Variants in RHOT1 observed in about 807,000 individuals in gnomAD.
The protein encoded by RHOT1 is ras homolog family member T1, also known as mitochondrial Rho GTPase 1.
Under a neutral mutation model 95.3 loss-of-function variants are expected in RHOT1, and 27 were observed. The ratio of observed to expected loss-of-function variants is 0.28; its 90% CI spans 0.21 to 0.39. RHOT1 has a LOEUF of 0.39. RHOT1 is among the 10% of genes least tolerant of loss of function. RHOT1 has a pLI of 1.00. For missense variants in RHOT1, 578 were observed against 786.7 expected (o/e 0.73, Z 3.17); for synonymous variants, 227 against 263.5 (o/e 0.86, Z 1.34).
chr17:32,178,602 C>A (rs969416961), intron 6 of RHOT1, among the ~76,000 whole-genome samples: 1 of 152,206 alleles, frequency 6.6e-6, no homozygotes, highest in Non-Finnish European at 1.5e-5. Flanking sequence ...AGCCTCTGCC[C>A]GCCCGCCACC....
chr17:32,149,744 C>A (rs971459132), intron 1 of RHOT1, among the ~76,000 whole-genome samples: 1 of 150,106 alleles, frequency 6.7e-6, no homozygotes. Context: ...TATACACACA[C>A]ACACACACAT....
chr17:32,176,772 C>T (rs1056683629), intron 6 of RHOT1, among the ~76,000 whole-genome samples: 7 of 151,844 alleles, frequency 4.6e-5, no homozygotes, highest in East Asian at 1.9e-4. Flanking sequence ...GGGTTTCGCA[C>T]GTTGGTCAGT....
At chr17:32,199,132 C>T in intron 12 of RHOT1, 101 bp downstream of exon 12, 2 of 929,884 alleles carry the variant, frequency 2.2e-6, no homozygotes, top group Non-Finnish European at 1.7e-6. Context: ...TGTTACATAG[C>T]CAAAAACTGC....
chr17:32,194,846 T>C (rs1025034367), intron 11 of RHOT1, among the ~76,000 whole-genome samples: 1 of 148,046 alleles, frequency 6.8e-6, no homozygotes, highest in African/African-American at 2.6e-5. Context: ...TTTTTTTTTT[T>C]CAGACGGAGT....
intron 1 of RHOT1, among the ~76,000 whole-genome samples, chr17:32,161,732 A>G (rs576171020): frequency 2.8e-4 from 42 of 152,226 alleles, no homozygotes; most frequent in Non-Finnish European, 5.1e-4. Flanking sequence ...TTGCAAAGGC[A>G]GTTTCACCAC....
At chr17:32,188,687 T>C (rs2036235924) in intron 8 of RHOT1, among the ~76,000 whole-genome samples, 1 of 152,248 alleles carries the variant, frequency 6.6e-6, no homozygotes, top group South Asian at 2.1e-4. Flanking sequence ...TGCAAAACTG[T>C]ACTCAGTTAT....
At chr17:32,208,334 C>G (rs1204889147) in intron 18 of RHOT1, 25 bp downstream of exon 18, 2 of 1,586,714 alleles carry the variant, frequency 1.3e-6, no homozygotes, top group Non-Finnish European at 1.7e-6. Context: ...TCTTCATTTT[C>G]ATGTTGCATG....
chr17:32,143,146 C>T (rs1022645554), intron 1 of RHOT1: 16 of 516,348 alleles, frequency 3.1e-5, no homozygotes, highest in Non-Finnish European at 5.5e-5. Context: ...CTTATCACTG[C>T]CAGGCAGGTG....
intron 16 of RHOT1, among the ~76,000 whole-genome samples, chr17:32,206,441 C>CTTTTTTT (rs34176535): frequency 1.8e-4 from 12 of 67,028 alleles, no homozygotes; most frequent in Non-Finnish European, 2.4e-4. Context: ...TCTATACTTT[C>CTTTTTTT]TTTTTTTTTT....
intron 1 of RHOT1, among the ~76,000 whole-genome samples, chr17:32,169,039 C>G (rs2034348463): frequency 6.6e-6 from 1 of 152,176 alleles, no homozygotes; most frequent in African/African-American, 2.4e-5. Context: ...CTGTAGAAAT[C>G]AGAGCTCGAA....
At chr17:32,210,525 G>A (rs2038057738) in intron 18 of RHOT1, among the ~76,000 whole-genome samples, 2 of 152,178 alleles carry the variant, frequency 1.3e-5, no homozygotes, top group African/African-American at 4.8e-5. Context: ...TATTTGAGTA[G>A]AAATTTATAA....
At chr17:32,165,470 C>T (rs907497833) in intron 1 of RHOT1, among the ~76,000 whole-genome samples, 2 of 151,238 alleles carry the variant, frequency 1.3e-5, no homozygotes, top group Admixed American at 6.6e-5. Flanking sequence ...TTGCAGTGAA[C>T]CAAGATCGTG....
chr17:32,177,004 A>G (rs1211179375), intron 6 of RHOT1, among the ~76,000 whole-genome samples: 1 of 152,220 alleles, frequency 6.6e-6, no homozygotes, highest in Non-Finnish European at 1.5e-5. Context: ...GGTTCTAAAC[A>G]TATGACTATG....
At chr17:32,209,051 T>C (rs963258151) in intron 18 of RHOT1, 8 of 168,308 alleles carry the variant, frequency 4.8e-5, no homozygotes, top group African/African-American at 1.9e-4. Context: ...ATTCTACTTA[T>C]TCTTATGTTA....
chr17:32,203,024 A>G, intron 15 of RHOT1, 124 bp downstream of exon 15: 1 of 864,110 alleles, frequency 1.2e-6, no homozygotes, highest in Non-Finnish European at 1.8e-6. Context: ...GTATTAGTCA[A>G]GTACAGTCTA....
In RHOT1 at chr17:32,217,000, C is replaced by T. The variant is rs193059772; in HGVS notation, c.1862+5762C>T. On this transcript the variant is annotated intron_variant, in intron 19 of 19. Coordinates refer to ENST00000545287, the MANE Select transcript of RHOT1 (RefSeq NM_001033566.3). The stretch of plus-strand genomic sequence containing the variant: ...TACAAGAGTTTATGTTATAGATTTT[C>T]ATTAAGTAAGCTGCTGCTGCTTATA... Among the ~76,000 whole-genome samples the T allele has an allele frequency of 7.9e-5, 12 of 152,226 alleles. No homozygotes were observed. In the East Asian group the frequency reaches 2.3e-3, roughly 29 times the overall value.
chr17:32,225,231 G>A lies in RHOT1; in HGVS notation c.*498G>A, dbSNP rs1209975683. ...TCCATTTTTAAAAACATACAAGTCA[G>A]TGTCAGCTTACCAACATGACATTTT... On this transcript the variant is annotated 3_prime_UTR_variant, in exon 20 of 20. Coordinates refer to ENST00000545287, the MANE Select transcript of RHOT1 (RefSeq NM_001033566.3). 1.3e-5 allele frequency: 2 copies of A among 153,720 alleles called. No individual in the cohort carries two copies. The highest frequency in any genetic ancestry group is 2.9e-5 in the Non-Finnish European group (2 of 68,764). The allele number at this position is 153,720 out of a possible 1,614,324, so 9.5% of individuals were successfully genotyped here. A position where few individuals can be genotyped will look rare whatever the true frequency, so the allele number is the denominator to read the frequency against.
chr17:32,218,493 T>G, intron 19 of RHOT1, among the ~76,000 whole-genome samples: 1 of 143,394 alleles, frequency 7.0e-6, no homozygotes, highest in South Asian at 2.2e-4. Flanking sequence ...GGTGACACAA[T>G]GAGATCCTGT....
rs1407060043 is a variant in RHOT1 at position 32,178,859 on chromosome 17, C to T, written c.329+2646C>T. Reference sequence around the variant, plus strand: ...GCCACCCCGTCTGGGATGTGAGGAGCGCCTCTGCCCGGCCGCCACCCCATC... The same window carrying T: ...GCCACCCCGTCTGGGATGTGAGGAGTGCCTCTGCCCGGCCGCCACCCCATC... On this transcript the variant is annotated intron_variant, in intron 6 of 19. Coordinates refer to ENST00000545287, the MANE Select transcript of RHOT1 (RefSeq NM_001033566.3). The T allele has an allele frequency of 1.9e-4, 28 of 148,988 alleles. 1 individual carries two copies. The highest frequency in any genetic ancestry group is 3.8e-3 in the Middle Eastern group (1 of 266). 9.2% of individuals were successfully genotyped at this position (148,988 alleles called of 1,614,324 possible).
Sources: allele counts gnomAD v4.1 joint callset (sites outside exome capture counted in the v4.1 genomes callset), GRCh38; gene constraint gnomAD v4.1.1; transcripts MANE v1.5; gene names NCBI Gene and HGNC (gene_info 2026-07-23, HGNC 2026-07-21).